Variants in PTPRD observed in about 807,000 individuals in gnomAD.
PTPRD encodes receptor-type tyrosine-protein phosphatase delta.
Under a neutral mutation model 214.5 loss-of-function variants are expected in PTPRD, and 34 were observed. The ratio of observed to expected loss-of-function variants is 0.16; its 90% confidence interval spans 0.12 to 0.21. The LOEUF (loss-of-function observed/expected upper bound fraction) is 0.21. Ranked by LOEUF, PTPRD falls within the 10% of genes least tolerant of loss-of-function variation. The pLI is 1.00. For synonymous variants in PTPRD, 1,128 were observed against 845.7 expected (o/e 1.33, Z -5.79); for missense variants, 2,545 against 2,398.7 (o/e 1.06, Z -1.27).
chr9:10,133,638 C>T (rs1271141758), intron 3 of PTPRD, among the ~76,000 whole-genome samples: 1 of 151,826 alleles, frequency 6.6e-6, no homozygotes, highest in African/African-American at 2.4e-5. Context: ...ATAAGTCCAC[C>T]ATAATAAAAG....
At chr9:9,259,683 C>A (rs1451499922) in intron 9 of PTPRD, among the ~76,000 whole-genome samples, 1 of 151,948 alleles carries the variant, frequency 6.6e-6, no homozygotes, top group Non-Finnish European at 1.5e-5. Flanking sequence ...ATTAGTGCTT[C>A]CCTCTTTAAG....
intron 9 of PTPRD, among the ~76,000 whole-genome samples, chr9:9,249,218 CTT>C (rs972592521): frequency 1.3e-4 from 20 of 152,104 alleles, no homozygotes; most frequent in African/African-American, 4.8e-4. Flanking sequence ...CTCCCTCTCT[CTT>C]GTTTCCTTTC....
intron 3 of PTPRD, among the ~76,000 whole-genome samples, chr9:10,061,749 C>T (rs1354117702): frequency 3.3e-5 from 5 of 152,002 alleles, no homozygotes; most frequent in Admixed American, 1.3e-4. Flanking sequence ...TTTAGGGCTG[C>T]GGAATAGATG....
At chr9:9,507,400 T>A (rs1013766279) in intron 8 of PTPRD, among the ~76,000 whole-genome samples, 3 of 151,086 alleles carry the variant, frequency 2.0e-5, no homozygotes, top group Non-Finnish European at 4.4e-5. Flanking sequence ...TTGTATACAA[T>A]AAAAATGTAA....
At chr9:10,507,267 A>T in intron 2 of PTPRD, among the ~76,000 whole-genome samples, 1 of 152,110 alleles carries the variant, frequency 6.6e-6, no homozygotes, top group Admixed American at 6.6e-5. Context: ...TTCAATGATA[A>T]CTACAAACCA....
intron 43 of PTPRD, among the ~76,000 whole-genome samples, chr9:8,337,128 A>G (rs1032112439): frequency 3.3e-5 from 5 of 152,204 alleles, no homozygotes; most frequent in African/African-American, 9.6e-5. Flanking sequence ...AAATCATTCT[A>G]CTATAAAGAC....
intron 8 of PTPRD, among the ~76,000 whole-genome samples, chr9:9,459,381 G>A (rs1006838915): frequency 2.0e-5 from 3 of 151,922 alleles, no homozygotes; most frequent in African/African-American, 7.3e-5. Flanking sequence ...AGAAATAAAA[G>A]GCATCTAAAT....
intron 10 of PTPRD, among the ~76,000 whole-genome samples, chr9:9,044,397 C>T (rs891108283): frequency 1.3e-5 from 2 of 152,222 alleles, no homozygotes; most frequent in Non-Finnish European, 2.9e-5. Flanking sequence ...TTTAAACATG[C>T]TGCTTGGGCA....
At chr9:8,597,105 A>C (rs946016800) in intron 14 of PTPRD, among the ~76,000 whole-genome samples, 1 of 152,264 alleles carries the variant, frequency 6.6e-6, no homozygotes, top group African/African-American at 2.4e-5. Flanking sequence ...ATGCGTTACA[A>C]ATGACTGCCA....
intron 5 of PTPRD, among the ~76,000 whole-genome samples, chr9:9,866,558 T>C (rs2064000636): frequency 1.3e-5 from 2 of 152,256 alleles, no homozygotes; most frequent in Admixed American, 1.3e-4. Context: ...TATACATAAC[T>C]ATCCGCTCAA....
At chr9:8,373,827 T>TGTAC (rs2082288049) in intron 39 of PTPRD, among the ~76,000 whole-genome samples, 1 of 101,176 alleles carries the variant, frequency 9.9e-6, no homozygotes, top group Non-Finnish European at 1.7e-5. Context: ...TATGTATGTA[T>TGTAC]GTATGTATGT....
chr9:10,236,791 T>C (rs922700448), intron 3 of PTPRD, among the ~76,000 whole-genome samples: 2 of 151,928 alleles, frequency 1.3e-5, no homozygotes, highest in African/African-American at 4.8e-5. Flanking sequence ...CACAATATAT[T>C]TGTATGTTAG....
At chr9:9,588,944 A>C (rs1449505909) in intron 7 of PTPRD, among the ~76,000 whole-genome samples, 1 of 151,846 alleles carries the variant, frequency 6.6e-6, no homozygotes, top group Non-Finnish European at 1.5e-5. Context: ...TAATATTAGA[A>C]CTTGTAATAT....
intron 6 of PTPRD, among the ~76,000 whole-genome samples, chr9:9,752,543 T>G (rs543803811): frequency 3.3e-5 from 5 of 151,912 alleles, no homozygotes; most frequent in Non-Finnish European, 5.9e-5. Flanking sequence ...ATTTTTAGAA[T>G]CCCGTGGAGC....
chr9:9,541,890 G>C (rs540486912), intron 8 of PTPRD, among the ~76,000 whole-genome samples: 1 of 151,614 alleles, frequency 6.6e-6, no homozygotes, highest in East Asian at 1.9e-4. Flanking sequence ...GGGGAAGAGA[G>C]GTATCTAAAA....
chr9:8,582,700 C>G (rs935827739), intron 14 of PTPRD, among the ~76,000 whole-genome samples: 1 of 152,134 alleles, frequency 6.6e-6, no homozygotes, highest in Admixed American at 6.5e-5. Flanking sequence ...TTTTATAACC[C>G]TTCAGATTGT....
In PTPRD at chr9:8,399,346, G is replaced by A. The variant is rs1329996128; in HGVS notation, c.4210+5191C>T. Among the ~76,000 whole-genome samples, 6 of 152,064 alleles carry A rather than the reference G, an allele frequency of 3.9e-5. No homozygotes were observed. The South Asian group carries it at 8.3e-4, about 21-fold the overall frequency. ...TATGCATGAACTTTCTGAAATTAGT[G>A]TACAAATAAAGTATGTAAGTGCTCT... On this transcript the variant is annotated intron_variant, in intron 36 of 45. Transcript: ENST00000381196.
intron 40 of PTPRD, 34 bp downstream of exon 40, chr9:8,341,659 C>T (rs2132477982): frequency 6.2e-7 from 1 of 1,601,768 alleles, no homozygotes; most frequent in Middle Eastern, 1.7e-4. Context: ...GAATGACTTG[C>T]TCCTGAATAA....
chr9:9,224,649 A>G (rs1045434788), intron 9 of PTPRD, among the ~76,000 whole-genome samples: 1 of 152,002 alleles, frequency 6.6e-6, no homozygotes, highest in African/African-American at 2.4e-5. Flanking sequence ...ACTTACAACA[A>G]CTTAAACTGG....
Sources: gnomAD v4.1 joint callset for allele counts (sites outside exome capture counted in the v4.1 genomes callset) on GRCh38, gnomAD v4.1.1 for gene constraint, MANE v1.5 for transcripts, NCBI Gene and HGNC (gene_info 2026-07-23, HGNC 2026-07-21) for gene names.